The following TRIM33 variants were observed in gnomAD, a reference collection of about 807,000 sequenced individuals.
TRIM33 encodes tripartite motif containing 33.
In TRIM33, 20 loss-of-function variants were observed where a neutral mutation model predicts 125.4. That is an observed-to-expected ratio of 0.16 (90% CI 0.11 to 0.23). The LOEUF (loss-of-function observed/expected upper bound fraction) is 0.23. Among genes scored for constraint, TRIM33 ranks in the 10% least tolerant of loss-of-function variants. TRIM33 has a pLI of 1.00. For missense variants in TRIM33, 920 were observed against 1,411.4 expected, an observed-to-expected ratio of 0.65 and a Z score of 5.58; for synonymous variants, 564 against 513.9, an observed-to-expected ratio of 1.10 and a Z score of -1.32.
chr1:114,421,196 G>A (rs529049401), intron 11 of TRIM33, among the ~76,000 whole-genome samples: 1 of 152,054 alleles, frequency 6.6e-6, no homozygotes, highest in African/African-American at 2.4e-5. Flanking sequence ...TAGAAACAGA[G>A]GATAGAAAGA....
chr1:114,403,388 T>C (rs1210315956), intron 15 of TRIM33, among the ~76,000 whole-genome samples: 1 of 152,154 alleles, frequency 6.6e-6, no homozygotes, highest in Non-Finnish European at 1.5e-5. Flanking sequence ...CTCCTTTTTT[T>C]TGGAGACAGA....
intron 1 of TRIM33, among the ~76,000 whole-genome samples, chr1:114,468,043 A>G (rs1650412008): frequency 6.6e-6 from 1 of 152,224 alleles, no homozygotes; most frequent in Non-Finnish European, 1.5e-5. Context: ...TGAATTATCC[A>G]AAGAATAGGA....
rs761645510 is a variant in TRIM33, at chr1:114,397,602, T to C, written c.*46A>G. On this transcript the variant is annotated 3_prime_UTR_variant, in exon 20 of 20. Transcript: ENST00000358465. Reference sequence around the variant, plus strand: ...TGGGTTTTTTGTGTTTTTTTTTTTTTTTTCGTTTTTTTTTTTTTAAACAAT... The same window carrying C: ...TGGGTTTTTTGTGTTTTTTTTTTTTCTTTCGTTTTTTTTTTTTTAAACAAT... 1.7e-6 allele frequency: 2 copies of C among 1,155,364 alleles called. No individual in the cohort carries two copies. Among genetic ancestry groups the C allele is most frequent in the Non-Finnish European group, 2.5e-6 (2 of 810,092 alleles). The allele number at this position is 1,155,364 out of a possible 1,614,324, so 71.6% of individuals were successfully genotyped here.
rs372935005 is a variant in TRIM33, at chr1:114,438,584, A to T, written c.924-4851T>A. On this transcript the variant is annotated intron_variant, in intron 4 of 19. Coordinates refer to ENST00000358465, the MANE Select transcript of TRIM33 (RefSeq NM_015906.4). The stretch of plus-strand genomic sequence containing the variant: ...CACTGGGCTAAGTATCTTAACATGC[A>T]TTCTCTCATTTAACCTTTAGAAAAA... Among the ~76,000 whole-genome samples the T allele has an allele frequency of 1.2e-3, 187 of 152,338 alleles. 5 individuals are homozygous for T. The South Asian group carries it at 0.038, about 31-fold the overall frequency.
chr1:114,433,509 A>G, intron 5 of TRIM33, 108 bp downstream of exon 5: 1 of 650,678 alleles, frequency 1.5e-6, no homozygotes, highest in Non-Finnish European at 2.6e-6. Flanking sequence ...TTTCCCCCTC[A>G]AAAAAATGTT....
chr1:114,399,647 A>G (rs751654143), intron 17 of TRIM33, 38 bp from the exon 18 acceptor site: 3 of 1,508,918 alleles, frequency 2.0e-6, no homozygotes, highest in East Asian at 2.3e-5. Flanking sequence ...GAATTCTCCA[A>G]AAATGCCAAA....
chr1:114,507,386 G>A (rs184837020), intron 1 of TRIM33, among the ~76,000 whole-genome samples: 20 of 152,218 alleles, frequency 1.3e-4, no homozygotes, highest in Admixed American at 8.5e-4. Flanking sequence ...AACAGCCAGA[G>A]GGTGTGAATA....
Position 114,398,921 on chromosome 1 carries a change from CA to C in TRIM33, c.3120+535del, listed in dbSNP as rs375037079. Among the ~76,000 whole-genome samples, 612 of 114,560 alleles carry C rather than the reference CA, an allele frequency of 5.3e-3. 6 individuals carry two copies. The highest frequency in any genetic ancestry group is 7.0e-3 in the Non-Finnish European group (380 of 54,558). 75.2% of individuals were successfully genotyped at this position (114,560 alleles called of 152,430 possible). On this transcript the variant is annotated intron_variant, in intron 18 of 19. Transcript: ENST00000358465. The stretch of plus-strand genomic sequence containing the variant: ...CTCAAAAAAAAAAAAAAAAACAAAA[CA>C]AAACAAAACAAAAAACAAAAAACTC...
At chr1:114,410,773 T>C (rs1311857810) in intron 11 of TRIM33, among the ~76,000 whole-genome samples, 1 of 131,350 alleles carries the variant, frequency 7.6e-6, no homozygotes, top group Non-Finnish European at 1.7e-5. Flanking sequence ...CAAGGCCCCT[T>C]ACTACAAAAA....
chr1:114,427,623 G>C, intron 7 of TRIM33, 125 bp downstream of exon 7: 1 of 963,586 alleles, frequency 1.0e-6, no homozygotes, highest in Non-Finnish European at 1.5e-6. Context: ...GAAGTTTTCT[G>C]TATCTTGATG....
intron 1 of TRIM33, among the ~76,000 whole-genome samples, chr1:114,473,084 G>A (rs1258861972): frequency 1.3e-5 from 2 of 151,656 alleles, no homozygotes; most frequent in African/African-American, 2.4e-5. Context: ...GTGAAACCCC[G>A]TCTCTACTAA....
At chr1:114,410,143 T>C in intron 12 of TRIM33, 41 bp downstream of exon 12, 2 of 1,611,196 alleles carry the variant, frequency 1.2e-6, no homozygotes, top group Non-Finnish European at 1.7e-6. Flanking sequence ...ACACTGTTTT[T>C]TTAAGGTGTT....
In TRIM33 at chr1:114,510,829, G is replaced by T. The variant is rs1245295500; in HGVS notation, c.248C>A (p.Ala83Asp). ...GSAQAASSPAASVGTGVAGGA... is the reference protein window; with the variant it reads ...GSAQAASSPADSVGTGVAGGA... Reference sequence around the variant, plus strand: ...CCCGGCAACTCCAGTGCCCACTGAGGCCGCAGGAGATGAAGCAGCCTGGGC... The same window carrying T: ...CCCGGCAACTCCAGTGCCCACTGAGTCCGCAGGAGATGAAGCAGCCTGGGC... Residue 83 changes from alanine to aspartate, a missense_variant, in exon 1 of 20, where the codon GCC becomes GAC. Physicochemically the swap from Ala to Asp is moderately radical, Grantham distance 126. Coordinates refer to ENST00000358465, the MANE Select transcript of TRIM33 (RefSeq NM_015906.4). 16 of 1,518,496 alleles carry T rather than the reference G, an allele frequency of 1.1e-5. 1 individual carries two copies. Among genetic ancestry groups the T allele is most frequent in the Non-Finnish European group, 1.1e-5 (13 of 1,140,258 alleles). 94.1% of individuals were successfully genotyped at this position (1,518,496 alleles called of 1,614,324 possible).
In TRIM33 at chr1:114,397,611, T is replaced by TCG; in HGVS notation, c.*36_*37insCG. 1 of 1,251,898 alleles carries TCG rather than the reference T, an allele frequency of 8.0e-7. No homozygotes were observed. The highest frequency in any genetic ancestry group is 1.4e-5 in the South Asian group (1 of 73,318). The allele number at this position is 1,251,898 out of a possible 1,614,324, so 77.5% of individuals were successfully genotyped here. ...TGTGTTTTTTTTTTTTTTTTCGTTTTTTTTTTTTTAAACAATTGATTTAAA... is the reference window on the plus strand; with the variant it reads ...TGTGTTTTTTTTTTTTTTTTCGTTTTCGTTTTTTTTTAAACAATTGATTTAAA... On this transcript the variant is annotated 3_prime_UTR_variant, in exon 20 of 20. Transcript: ENST00000358465.
chr1:114,399,400 C>A, intron 18 of TRIM33, 57 bp downstream of exon 18: 7 of 1,509,822 alleles, frequency 4.6e-6, no homozygotes, highest in Admixed American at 2.2e-5. Context: ...AAAAATAAAA[C>A]AAGGAAACAA....
chr1:114,463,776 T>C (rs1650130027), intron 2 of TRIM33, among the ~76,000 whole-genome samples: 1 of 150,174 alleles, frequency 6.7e-6, no homozygotes, highest in Admixed American at 6.6e-5. Flanking sequence ...ACTTTTTTTT[T>C]TTTTTTTTTT....
chr1:114,487,969 T>A (rs992558561), intron 1 of TRIM33, among the ~76,000 whole-genome samples: 10 of 150,168 alleles, frequency 6.7e-5, no homozygotes, highest in Non-Finnish European at 1.2e-4. Context: ...ATGGATTTCT[T>A]AAATCATGTG....
At chr1:114,427,665 GTATACTT>G in intron 7 of TRIM33, 76 bp downstream of exon 7, 1 of 1,386,430 alleles carries the variant, frequency 7.2e-7, no homozygotes, top group Middle Eastern at 1.9e-4. Context: ...AAATTAAAAT[GTATACTT>G]TAAACAGGTG....
At chr1:114,508,238 C>T (rs1446599280) in intron 1 of TRIM33, among the ~76,000 whole-genome samples, 1 of 152,174 alleles carries the variant, frequency 6.6e-6, no homozygotes, top group Non-Finnish European at 1.5e-5. Flanking sequence ...ACTTACTCCC[C>T]CTCCTTCAAA....
Sources: allele counts gnomAD v4.1 joint callset (sites outside exome capture counted in the v4.1 genomes callset), GRCh38; gene constraint gnomAD v4.1.1; transcripts MANE v1.5; gene names NCBI Gene and HGNC (gene_info 2026-07-23, HGNC 2026-07-21).